The following MEGF6 variants were observed in gnomAD, a reference collection of about 807,000 sequenced individuals.
MEGF6 encodes the protein multiple epidermal growth factor-like domains protein 6.
MEGF6 carries 184 observed loss-of-function variants against 207.1 expected under a neutral mutation model. The ratio of observed to expected loss-of-function variants is 0.89; its 90% CI spans 0.79 to 1.00. MEGF6 has a LOEUF of 1.00. Among genes scored for constraint, MEGF6 ranks in the 50% least tolerant of loss-of-function variants. MEGF6 has a pLI of 0.00. For missense variants in MEGF6, 2,282 were observed against 2,202.9 expected (o/e 1.04, Z -0.72); for synonymous variants, 1,038 against 910.0 (o/e 1.14, Z -2.53).
intron 19 of MEGF6, 22 bp from the exon 20 acceptor site, chr1:3,501,116 T>G (rs1481146952): frequency 6.2e-7 from 1 of 1,611,664 alleles, no homozygotes; most frequent in Non-Finnish European, 8.5e-7. Flanking sequence ...CGAGAGAGGG[T>G]GAGTGGGGCC....
chr1:3,523,587 A>G (rs1641847027), intron 5 of MEGF6, among the ~76,000 whole-genome samples: 1 of 152,144 alleles, frequency 6.6e-6, no homozygotes, highest in African/African-American at 2.4e-5. Flanking sequence ...AGGCTCCCCA[A>G]GCTGGGCAGG....
chr1:3,517,977 C>T lies in MEGF6; in HGVS notation c.605-2450G>A, dbSNP rs149266607. ...CATGCATAATCGCACCGCGTGCTTC[C>T]GCAATCCGGCCCGACATTTCTGCCC... is the stretch of plus-strand genomic sequence containing the variant. On this transcript the variant is annotated intron_variant, in intron 5 of 36. Transcript: ENST00000356575. Among the ~76,000 whole-genome samples, 8 of 152,350 alleles carry T rather than the reference C, an allele frequency of 5.3e-5. No homozygotes were observed. In the South Asian group the frequency reaches 1.0e-3, roughly 20 times the overall value.
chr1:3,506,754 C>A (rs1192875926), intron 14 of MEGF6, among the ~76,000 whole-genome samples: 1 of 152,184 alleles, frequency 6.6e-6, no homozygotes, highest in Non-Finnish European at 1.5e-5. Context: ...AAGGTACCCC[C>A]ACAACTACAT....
intron 2 of MEGF6, among the ~76,000 whole-genome samples, chr1:3,601,711 CCTCTA>C (rs1420665543): frequency 6.6e-6 from 1 of 152,182 alleles, no homozygotes; most frequent in Admixed American, 6.5e-5. Flanking sequence ...GTTTTTTTCT[CCTCTA>C]CTCTGAACAC....
Position 3,501,828 on chromosome 1 carries a change from G to T in MEGF6, c.2282C>A (p.Pro761Gln). ...CHGVTGQCRC[P>Q]PGRTGEDCEA... is the part of the protein sequence containing the mutation. ...ACAGTCTTCCCCAGTCCTCCCCGGC[G>T]GACACCGGCACTGCCCCGTGACCCC... The change falls in exon 18 of 37, where the codon CCG (proline) becomes CAG (glutamine). Residue 761 changes from proline (P) to glutamine (Q), a missense_variant. Coordinates refer to ENST00000356575, the MANE Select transcript of MEGF6 (RefSeq NM_001409.4). 6.2e-7 allele frequency: 1 copy of T among 1,608,820 alleles called. No homozygotes were observed. Among genetic ancestry groups the T allele is most frequent in the Non-Finnish European group, 8.5e-7 (1 of 1,178,550 alleles).
intron 4 of MEGF6, among the ~76,000 whole-genome samples, chr1:3,559,451 G>A (rs60423097): frequency 0.012 from 1,777 of 145,908 alleles, 31 homozygotes; most frequent in African/African-American, 0.041. Flanking sequence ...GAGCCCAGGA[G>A]TTTGAGGCTG....
rs186003843 is a variant in MEGF6 at position 3,492,850 on chromosome 1, C to A, written c.4388-83G>T. ...CAAGGAGCCTGGGCCTAGGGGCCCGCGGCAGAGCCCAGGTGGAGTGAAGCC... is the reference window on the plus strand; with the variant it reads ...CAAGGAGCCTGGGCCTAGGGGCCCGAGGCAGAGCCCAGGTGGAGTGAAGCC... On this transcript the variant is annotated intron_variant, in intron 34 of 36. Transcript: ENST00000356575. 1.2e-4 allele frequency: 186 copies of A among 1,531,900 alleles called. 2 individuals carry two copies. The South Asian group carries it at 1.3e-3, about 11-fold the overall frequency. The allele number at this position is 1,531,900 out of a possible 1,614,324, so 94.9% of individuals were successfully genotyped here. A position where few individuals can be genotyped will look rare whatever the true frequency, so the allele number is the denominator to read the frequency against.
At chr1:3,561,032 A>C (rs1364996252) in intron 4 of MEGF6, among the ~76,000 whole-genome samples, 1 of 152,092 alleles carries the variant, frequency 6.6e-6, no homozygotes, top group Non-Finnish European at 1.5e-5. Context: ...CATGAAGCTG[A>C]AGGTTCTCCC....
In MEGF6 at chr1:3,498,748, G is replaced by C; in HGVS notation, c.3173C>G (p.Ser1058Ter). The C allele has an allele frequency of 6.4e-7, 1 of 1,563,732 alleles. No individual in the cohort carries two copies. The highest frequency in any genetic ancestry group is 1.2e-5 in the South Asian group (1 of 85,308). ...CQNGGTCDPV[S>*]GHCACPEGWA... Reference sequence around the variant, plus strand: ...GCCCTCTGGGCACGCACAGTGGCCTGAGACAGGGTCACAGGTCCCTCCGTT... The same window carrying C: ...GCCCTCTGGGCACGCACAGTGGCCTCAGACAGGGTCACAGGTCCCTCCGTT... The change falls in exon 25 of 37, where the codon TCA (serine) becomes TGA (stop). Residue 1058 changes from serine (S) to a stop codon, truncating the protein, a stop_gained. Coordinates refer to ENST00000356575, the MANE Select transcript of MEGF6 (RefSeq NM_001409.4). LOFTEE classifies it high-confidence loss of function.
At chr1:3,511,158 G>A (rs1641332163) in intron 9 of MEGF6, among the ~76,000 whole-genome samples, 1 of 152,226 alleles carries the variant, frequency 6.6e-6, no homozygotes, top group African/African-American at 2.4e-5. Flanking sequence ...CAGCCCCAGG[G>A]CCACCCGCCT....
intron 35 of MEGF6, 106 bp downstream of exon 35, chr1:3,492,533 C>A (rs1640414736): frequency 6.6e-7 from 1 of 1,509,904 alleles, no homozygotes; most frequent in Non-Finnish European, 9.1e-7. Context: ...CATAGGGTGA[C>A]CCGGCCAACT....
intron 35 of MEGF6, among the ~76,000 whole-genome samples, chr1:3,491,379 G>GTACCACAGA (rs1640357538): frequency 6.6e-6 from 1 of 152,104 alleles, no homozygotes; most frequent in South Asian, 2.1e-4. Flanking sequence ...CGGCGGTGCA[G>GTACCACAGA]TACCACAGAT....
At chr1:3,602,785 C>T (rs751612837) in intron 1 of MEGF6, among the ~76,000 whole-genome samples, 185 bp from the exon 2 acceptor site, 3 of 152,164 alleles carry the variant, frequency 2.0e-5, no homozygotes, top group East Asian at 1.9e-4. Context: ...CTTGAGGGCA[C>T]AGGAGCTCAG....
chr1:3,605,102 TCA>T (rs1374271924), intron 1 of MEGF6, among the ~76,000 whole-genome samples: 5 of 150,662 alleles, frequency 3.3e-5, no homozygotes, highest in African/African-American at 7.4e-5. Flanking sequence ...TCACACTCAA[TCA>T]CACACATTCA....
chr1:3,489,568 C>T lies in MEGF6; in HGVS notation c.*960G>A, dbSNP rs752428402. 1.3e-4 allele frequency among the ~76,000 whole-genome samples: 20 copies of T among 152,294 alleles called. No individual in the cohort carries two copies. The highest frequency in any genetic ancestry group is 4.3e-4 in the African/African-American group (18 of 41,562). On this transcript the variant is annotated 3_prime_UTR_variant, in exon 37 of 37. Coordinates refer to ENST00000356575, the MANE Select transcript of MEGF6 (RefSeq NM_001409.4). ...CTCACCCAGGGAGTCCCTGCCCCTG[C>T]GATGCTGCCCTCCCCCCACTGCTGA... is the stretch of plus-strand genomic sequence containing the variant.
upstream of MEGF6, among the ~76,000 whole-genome samples, chr1:3,613,876 C>A (rs780373925): frequency 2.0e-5 from 3 of 150,420 alleles, no homozygotes; most frequent in Non-Finnish European, 3.0e-5. Flanking sequence ...CAGGCACTGC[C>A]GCTGTGCTCT....
intron 1 of MEGF6, among the ~76,000 whole-genome samples, chr1:3,610,926 G>A (rs984280125): frequency 6.6e-6 from 1 of 152,198 alleles, no homozygotes; most frequent in African/African-American, 2.4e-5. Context: ...GTGGGAGGGG[G>A]GGAGGGGACA....
At chr1:3,546,564 C>T (rs543539847) in intron 4 of MEGF6, among the ~76,000 whole-genome samples, 1 of 147,210 alleles carries the variant, frequency 6.8e-6, no homozygotes, top group Non-Finnish European at 1.5e-5. Context: ...GGGAAGGGGG[C>T]TGCCAGGGAG....
chr1:3,505,589 G>A (rs372310782), intron 15 of MEGF6, 33 bp from the exon 16 acceptor site: 175 of 1,518,884 alleles, frequency 1.2e-4, no homozygotes, highest in Middle Eastern at 4.6e-4. Context: ...GGGGGCTCCC[G>A]TCTGAAGCCC....
Sources: gnomAD v4.1 joint callset for allele counts (sites outside exome capture counted in the v4.1 genomes callset) on GRCh38, gnomAD v4.1.1 for gene constraint, MANE v1.5 for transcripts, NCBI Gene and HGNC (gene_info 2026-07-23, HGNC 2026-07-21) for gene names.